Variants in MNDA observed in about 807,000 individuals in gnomAD.
The protein encoded by MNDA is epididymis secretory sperm binding protein.
Under a neutral mutation model 37.8 loss-of-function variants are expected in MNDA, and 43 were observed. That is an observed-to-expected ratio of 1.14 (90% CI 0.89 to 1.47). MNDA has a LOEUF of 1.47. Among genes scored for constraint, MNDA ranks in the 40% most tolerant of loss-of-function variants. The pLI is 0.00. For synonymous variants in MNDA, 181 were observed against 169.0 expected, an observed-to-expected ratio of 1.07 and a Z score of -0.55; for missense variants, 536 against 476.0, an observed-to-expected ratio of 1.13 and a Z score of -1.17.
intron 1 of MNDA, among the ~76,000 whole-genome samples, chr1:158,839,248 T>C (rs1658983589): frequency 6.6e-6 from 1 of 152,162 alleles, no homozygotes; most frequent in Non-Finnish European, 1.5e-5. Flanking sequence ...CAGCTAAGTA[T>C]GAAATATAAA....
At chr1:158,842,850 G>A (rs573862861) in intron 2 of MNDA, 103 of 175,468 alleles carry the variant, frequency 5.9e-4, no homozygotes, top group Middle Eastern at 2.7e-3. Flanking sequence ...GCCAATATTA[G>A]CACTTTGCCA....
intron 4 of MNDA, among the ~76,000 whole-genome samples, chr1:158,845,050 T>C (rs1163950671): frequency 6.6e-6 from 1 of 152,196 alleles, no homozygotes; most frequent in East Asian, 1.9e-4. Context: ...TCTGTTACCT[T>C]AGGCTTTCAG....
intron 1 of MNDA, among the ~76,000 whole-genome samples, chr1:158,838,105 A>C (rs941316344): frequency 6.6e-6 from 1 of 151,998 alleles, no homozygotes; most frequent in Non-Finnish European, 1.5e-5. Flanking sequence ...CCTATAAAAT[A>C]ATAAAAAATG....
At chr1:158,839,629 C>T (rs932812957) in intron 1 of MNDA, among the ~76,000 whole-genome samples, 2 of 152,192 alleles carry the variant, frequency 1.3e-5, no homozygotes, top group Non-Finnish European at 1.5e-5. Flanking sequence ...CCACACTTTT[C>T]CTTCTATTCC....
chr1:158,838,776 A>T (rs573252379), intron 1 of MNDA, among the ~76,000 whole-genome samples: 7 of 152,186 alleles, frequency 4.6e-5, no homozygotes, highest in East Asian at 3.9e-4. Context: ...TATATCTTTT[A>T]AAAAAGTTTG....
chr1:158,831,830 G>C (rs955996427), intron 1 of MNDA, among the ~76,000 whole-genome samples: 3 of 152,256 alleles, frequency 2.0e-5, no homozygotes, highest in South Asian at 2.1e-4. Flanking sequence ...ATTTAGAGGA[G>C]ATACTTGGTT....
rs1205521447 is a variant in MNDA, at chr1:158,843,379, G to A, written c.366G>A (p.Leu122=). ...CTGCACCCACCGCAAGAAACAAACT[G>A]ACATCGGAAGCAAGAGGGAGGATTC... ...AAPAPTARNK[L]TSEARGRIPV... The change falls in exon 3 of 7, where the codon CTG becomes CTA. Residue 122 remains leucine (L), a synonymous_variant. Coordinates refer to ENST00000368141, the MANE Select transcript of MNDA (RefSeq NM_002432.3). 6.2e-7 allele frequency: 1 copy of A among 1,611,890 alleles called. No individual in the cohort carries two copies. The highest frequency in any genetic ancestry group is 8.5e-7 in the Non-Finnish European group (1 of 1,178,966).
chr1:158,832,086 A>G (rs1658815435), intron 1 of MNDA, among the ~76,000 whole-genome samples: 2 of 152,160 alleles, frequency 1.3e-5, no homozygotes, highest in Non-Finnish European at 2.9e-5. Flanking sequence ...TTTATGCTTC[A>G]TTTTACAACA....
intron 3 of MNDA, 85 bp downstream of exon 3, chr1:158,843,500 C>G: frequency 7.6e-7 from 1 of 1,323,040 alleles, no homozygotes; most frequent in Non-Finnish European, 1.0e-6. Flanking sequence ...TATCTCAACA[C>G]AGCTTAGATT....
intron 1 of MNDA, among the ~76,000 whole-genome samples, chr1:158,833,642 T>C (rs1482292331): frequency 2.6e-5 from 4 of 152,234 alleles, no homozygotes; most frequent in East Asian, 3.8e-4. Flanking sequence ...TCATGTTGTA[T>C]TGTATCATGT....
chr1:158,838,038 TATA>T (rs1658957532), intron 1 of MNDA, among the ~76,000 whole-genome samples: 1 of 152,006 alleles, frequency 6.6e-6, no homozygotes, highest in Admixed American at 6.6e-5. Flanking sequence ...ATTGCATTTA[TATA>T]ATATGTACCA....
At chr1:158,840,659 C>T (rs1447319774) in intron 1 of MNDA, among the ~76,000 whole-genome samples, 3 of 152,140 alleles carry the variant, frequency 2.0e-5, no homozygotes, top group Non-Finnish European at 4.4e-5. Context: ...TTTAAAATTG[C>T]AGACATATAA....
At chr1:158,845,479 A>T in intron 4 of MNDA, 108 bp from the exon 5 acceptor site, 1 of 1,067,500 alleles carries the variant, frequency 9.4e-7, no homozygotes, top group Non-Finnish European at 1.3e-6. Context: ...TGACCTCGTG[A>T]TCCACCCGCC....
intron 2 of MNDA, 96 bp downstream of exon 2, chr1:158,842,514 C>T: frequency 7.6e-7 from 1 of 1,314,646 alleles, no homozygotes; most frequent in East Asian, 2.3e-5. Context: ...ATCCCTTTTC[C>T]AATTTATAAC....
chr1:158,844,474 T>A (rs1230773025), intron 4 of MNDA, among the ~76,000 whole-genome samples: 1 of 150,226 alleles, frequency 6.7e-6, no homozygotes, highest in Non-Finnish European at 1.5e-5. Context: ...AGAAAAGTAT[T>A]CTGCTGCAAC....
At chr1:158,842,493 A>G in intron 2 of MNDA, 75 bp downstream of exon 2, 2 of 1,472,606 alleles carry the variant, frequency 1.4e-6, no homozygotes, top group Non-Finnish European at 1.8e-6. Context: ...CACCTTGGTC[A>G]TAGCTGGTAC....
In MNDA at chr1:158,844,074, A is replaced by G. The variant is rs779320668; in HGVS notation, c.522A>G (p.Pro174=). The G allele has an allele frequency of 3.7e-6, 6 of 1,612,644 alleles. No individual in the cohort carries two copies. In the Admixed American group the frequency reaches 8.4e-5, roughly 23 times the overall value. Residue 174 remains proline, a synonymous_variant, in exon 4 of 7, where the codon CCA becomes CCG. Transcript: ENST00000368141. Reference sequence around the variant, plus strand: ...CATCTGCAGCTGTGGATCATCCCCCACTACCCCAGACCTCATCATCAACTC... The same window carrying G: ...CATCTGCAGCTGTGGATCATCCCCCGCTACCCCAGACCTCATCATCAACTC... ...ASTSAAVDHP[P]LPQTSSSTPS...
intron 1 of MNDA, among the ~76,000 whole-genome samples, chr1:158,837,273 T>C (rs1402936915): frequency 4.0e-5 from 6 of 151,884 alleles, no homozygotes; most frequent in African/African-American, 1.2e-4. Flanking sequence ...TTTTCTTCTG[T>C]CAGATTGTTC....
chr1:158,842,519 T>C, intron 2 of MNDA, 101 bp downstream of exon 2: 3 of 1,300,088 alleles, frequency 2.3e-6, no homozygotes, highest in Non-Finnish European at 3.2e-6. Flanking sequence ...TTTTCCAATT[T>C]ATAACTCAGC....
Sources: allele counts gnomAD v4.1 joint callset (sites outside exome capture counted in the v4.1 genomes callset), GRCh38; gene constraint gnomAD v4.1.1; transcripts MANE v1.5; gene names NCBI Gene and HGNC (gene_info 2026-07-23, HGNC 2026-07-21).